The following LNX2 variants were observed in gnomAD, a reference collection of about 807,000 sequenced individuals.
LNX2 encodes the protein ligand of Numb protein X 2.
A neutral mutation model predicts 66.2 loss-of-function variants in LNX2; 35 were observed. The observed-to-expected ratio is 0.53, with a 90% CI of 0.40 to 0.70. LNX2 has a LOEUF of 0.70. LNX2 is among the 30% of genes least tolerant of loss of function. The probability of loss-of-function intolerance (pLI) is 0.00; values close to 1 mark genes in which losing one functional copy is unlikely to be tolerated. For synonymous variants in LNX2, 337 were observed against 315.6 expected (o/e 1.07, Z -0.72); for missense variants, 791 against 850.8 (o/e 0.93, Z 0.87).
chr13:27,600,954 T>A (rs1309185752), intron 1 of LNX2, among the ~76,000 whole-genome samples: 1 of 152,178 alleles, frequency 6.6e-6, no homozygotes, highest in African/African-American at 2.4e-5. Context: ...CTGATAAGCC[T>A]GATGTATGGC....
chr13:27,575,259 T>C (rs1955330108), intron 2 of LNX2, among the ~76,000 whole-genome samples: 2 of 152,208 alleles, frequency 1.3e-5, no homozygotes, highest in Non-Finnish European at 1.5e-5. Flanking sequence ...ACTTGTATAA[T>C]AATAATAGCA....
Position 27,562,550 on chromosome 13 carries a change from C to T in LNX2, c.1087G>A (p.Gly363Arg). The change falls in exon 5 of 10, where the codon GGG becomes AGG. Residue 363 changes from glycine (G) to arginine (R), a missense_variant. Coordinates refer to ENST00000316334, the MANE Select transcript of LNX2 (RefSeq NM_153371.4). ...TCCAACAGGTCAAGAATAAAAACCC[C>T]TGGCTCATCTGTCCTTCGCACCAAT... ...IKLVRRTDEP[G>R]VFILDLLEGG... 6.2e-7 allele frequency: 1 copy of T among 1,614,174 alleles called. No individual in the cohort carries two copies. Among genetic ancestry groups the T allele is most frequent in the Non-Finnish European group, 8.5e-7 (1 of 1,180,032 alleles).
intron 1 of LNX2, among the ~76,000 whole-genome samples, chr13:27,598,797 C>T (rs115940385): frequency 9.7e-4 from 148 of 152,162 alleles, no homozygotes; most frequent in African/African-American, 3.5e-3. Flanking sequence ...TATATACATA[C>T]CTACACATAT....
intron 2 of LNX2, among the ~76,000 whole-genome samples, chr13:27,575,141 C>A (rs1039857215): frequency 6.6e-6 from 1 of 152,272 alleles, no homozygotes; most frequent in South Asian, 2.1e-4. Context: ...AGCATCAGTA[C>A]AGTACTGAAT....
chr13:27,554,985 T>G (rs979249497), intron 7 of LNX2, among the ~76,000 whole-genome samples: 4 of 152,190 alleles, frequency 2.6e-5, no homozygotes, highest in African/African-American at 9.7e-5. Context: ...AGGATCTCAC[T>G]CTGATGCTAG....
In LNX2 at chr13:27,616,826, T is replaced by C. The variant is rs533687521; in HGVS notation, c.-101+3549A>G. ...GCGCAGTGGCGCAATCTCAGCTCAC[T>C]GAAACCTCTAGCTCCCGGGTTCAAG... is the stretch of plus-strand genomic sequence containing the variant. On this transcript the variant is annotated intron_variant, in intron 1 of 9. Transcript: ENST00000316334. Among the ~76,000 whole-genome samples, 4 of 152,356 alleles carry C rather than the reference T, an allele frequency of 2.6e-5. No homozygotes were observed. The East Asian group carries it at 7.7e-4, about 29-fold the overall frequency.
At chr13:27,594,091 A>G (rs1315193978) in intron 1 of LNX2, among the ~76,000 whole-genome samples, 2 of 152,192 alleles carry the variant, frequency 1.3e-5, no homozygotes, top group Non-Finnish European at 2.9e-5. Flanking sequence ...CTAGCAATGT[A>G]TAAATATACT....
chr13:27,586,446 G>T (rs1188224789), intron 1 of LNX2, among the ~76,000 whole-genome samples: 1 of 152,078 alleles, frequency 6.6e-6, no homozygotes, highest in Non-Finnish European at 1.5e-5. Context: ...TTTCTGCTTT[G>T]TGTGCAAGCT....
At chr13:27,581,220 T>A in intron 2 of LNX2, 77 bp downstream of exon 2, 1 of 1,265,234 alleles carries the variant, frequency 7.9e-7, no homozygotes, top group Non-Finnish European at 1.1e-6. Context: ...TTTGTTTTGT[T>A]TTAATCAAGT....
chr13:27,571,788 G>C (rs375846760), intron 2 of LNX2, among the ~76,000 whole-genome samples: 2 of 152,188 alleles, frequency 1.3e-5, no homozygotes, highest in South Asian at 4.1e-4. Context: ...AGACAGCTCA[G>C]AGCCATCATC....
intron 1 of LNX2, among the ~76,000 whole-genome samples, chr13:27,590,796 T>C (rs894028396): frequency 5.3e-5 from 8 of 152,270 alleles, no homozygotes; most frequent in Middle Eastern, 6.8e-3. Context: ...AATAATATCA[T>C]GGTGATATTA....
chr13:27,618,129 A>C (rs567230524), intron 1 of LNX2, among the ~76,000 whole-genome samples: 4 of 152,350 alleles, frequency 2.6e-5, no homozygotes, highest in South Asian at 4.1e-4. Flanking sequence ...AGTACATGTC[A>C]ATCAATGCCT....
chr13:27,549,042 C>T (rs73446806), intron 9 of LNX2, among the ~76,000 whole-genome samples: 27,579 of 151,980 alleles, frequency 0.18, 2,579 homozygotes, highest in East Asian at 0.28. Flanking sequence ...TGTTAACTAC[C>T]TCAATTTCTT....
chr13:27,617,403 T>G (rs778370049), intron 1 of LNX2, among the ~76,000 whole-genome samples: 11 of 152,206 alleles, frequency 7.2e-5, no homozygotes, highest in South Asian at 6.2e-4. Flanking sequence ...GGTGGGCCTG[T>G]GAACTCTAGC....
intron 1 of LNX2, among the ~76,000 whole-genome samples, chr13:27,583,205 T>TGCGCGC (rs1566124653): frequency 0.046 from 1,019 of 22,068 alleles, 144 homozygotes; most frequent in Middle Eastern, 0.16. Flanking sequence ...TGTGTGTGTG[T>TGCGCGC]GTGTGTGTGT....
chr13:27,552,774 T>C (rs1955020342), intron 8 of LNX2, among the ~76,000 whole-genome samples: 1 of 152,104 alleles, frequency 6.6e-6, no homozygotes, highest in Non-Finnish European at 1.5e-5. Flanking sequence ...AAAAATTGAG[T>C]TTTAAATGCC....
rs1227667311 is a variant in LNX2 at position 27,583,255 on chromosome 13, T to TGCGCGCGCGC, written c.-100-1453_-100-1452insGCGCGCGCGC. Among the ~76,000 whole-genome samples the TGCGCGCGCGC allele has an allele frequency of 1.5e-3, 89 of 58,530 alleles. 26 individuals carry two copies. The highest frequency in any genetic ancestry group is 7.9e-3 in the East Asian group (11 of 1,388). 38.4% of individuals were successfully genotyped at this position (58,530 alleles called of 152,430 possible). ...GTGTGTGTGTGTGTGTGTGTGTGTGTGCGCGCGTCCTCTCCAACATACTTA... is the reference window on the plus strand; with the variant it reads ...GTGTGTGTGTGTGTGTGTGTGTGTGTGCGCGCGCGCGCGCGCGTCCTCTCCAACATACTTA... On this transcript the variant is annotated intron_variant, in intron 1 of 9. Transcript: ENST00000316334.
At chr13:27,549,933 C>A (rs1055302297) in intron 9 of LNX2, among the ~76,000 whole-genome samples, 1 of 152,156 alleles carries the variant, frequency 6.6e-6, no homozygotes, top group Admixed American at 6.5e-5. Flanking sequence ...ACTTACTCAG[C>A]GCTCAATGTC....
intron 1 of LNX2, among the ~76,000 whole-genome samples, chr13:27,616,055 A>C (rs1297673093): frequency 6.6e-6 from 1 of 151,926 alleles, no homozygotes; most frequent in African/African-American, 2.4e-5. Context: ...TGTGCCCAAG[A>C]TGGTAGGGGT....
Sources: gnomAD v4.1 joint callset for allele counts (sites outside exome capture counted in the v4.1 genomes callset) on GRCh38, gnomAD v4.1.1 for gene constraint, MANE v1.5 for transcripts, NCBI Gene and HGNC (gene_info 2026-07-23, HGNC 2026-07-21) for gene names.